The following ROBO2 variants were observed in gnomAD, a reference collection of about 807,000 sequenced individuals.
ROBO2 encodes roundabout homolog 2.
Under a neutral mutation model 160.8 loss-of-function variants are expected in ROBO2, and 53 were observed. The observed-to-expected ratio is 0.33, with a 90% CI of 0.26 to 0.41. ROBO2 has a LOEUF of 0.41. Ranked by LOEUF, ROBO2 falls within the 10% of genes least tolerant of loss-of-function variation. ROBO2 has a pLI of 1.00. For missense variants in ROBO2, 1,577 were observed against 1,722.4 expected, an observed-to-expected ratio of 0.92 and a Z score of 1.49; for synonymous variants, 664 against 611.7, an observed-to-expected ratio of 1.09 and a Z score of -1.26.
intron 2 of ROBO2, among the ~76,000 whole-genome samples, chr3:76,947,614 T>C (rs2078647057): frequency 6.6e-6 from 1 of 152,216 alleles, no homozygotes; most frequent in South Asian, 2.1e-4. Flanking sequence ...ACTGGTTTTT[T>C]CTTAGTTAAC....
chr3:76,523,275 G>A (rs1414546824), intron 2 of ROBO2, among the ~76,000 whole-genome samples: 4 of 151,992 alleles, frequency 2.6e-5, no homozygotes, highest in Non-Finnish European at 5.9e-5. Context: ...GTGGATTTTT[G>A]AGGATGACTA....
At chr3:76,652,432 G>C (rs1244017585) in intron 2 of ROBO2, among the ~76,000 whole-genome samples, 1 of 152,132 alleles carries the variant, frequency 6.6e-6, no homozygotes, top group Non-Finnish European at 1.5e-5. Flanking sequence ...CATTTTATAA[G>C]GGAAAAGCTG....
chr3:76,931,788 T>A (rs2077361952), intron 2 of ROBO2, among the ~76,000 whole-genome samples: 1 of 152,088 alleles, frequency 6.6e-6, no homozygotes, highest in South Asian at 2.1e-4. Flanking sequence ...TTCAAGCGAT[T>A]CTCCTGCCTC....
At chr3:77,528,935 A>G (rs1278108654) in intron 6 of ROBO2, among the ~76,000 whole-genome samples, 1 of 151,732 alleles carries the variant, frequency 6.6e-6, no homozygotes, top group Admixed American at 6.6e-5. Flanking sequence ...TGATAATTTT[A>G]TGTATCTTTT....
chr3:76,155,956 C>T (rs4490371), intron 2 of ROBO2, among the ~76,000 whole-genome samples: 38,992 of 151,892 alleles, frequency 0.26, 6,065 homozygotes, highest in Non-Finnish European at 0.34. Context: ...AGAAACTAGT[C>T]GGTTATATAT....
intron 1 of ROBO2, among the ~76,000 whole-genome samples, chr3:75,925,093 T>TA (rs942921921): frequency 5.3e-5 from 8 of 151,856 alleles, no homozygotes; most frequent in African/African-American, 1.7e-4. Flanking sequence ...GTATGAAGGT[T>TA]AAAAAACGGG....
chr3:76,457,633 C>T (rs956522864), intron 2 of ROBO2, among the ~76,000 whole-genome samples: 7 of 152,270 alleles, frequency 4.6e-5, no homozygotes, highest in South Asian at 2.1e-4. Flanking sequence ...TGTGGGGGCT[C>T]GACCCCACAT....
At position 77,110,668 on chromosome 3, in the gene ROBO2, A is replaced by G. The variant is rs189504801; in HGVS notation, c.388+12328A>G. On this transcript the variant is annotated intron_variant, in intron 2 of 25. Coordinates refer to ENST00000461745, the Ensembl canonical transcript of ROBO2. ...ATATAAATATATAAATGTAAATATA[A>G]GTATATATGTATATACATATATATA... Among the ~76,000 whole-genome samples, 8 of 148,926 alleles carry G rather than the reference A, an allele frequency of 5.4e-5. No individual in the cohort carries two copies. The East Asian group carries it at 1.6e-3, about 29-fold the overall frequency.
Position 76,457,691 on chromosome 3 carries a change from C to T in ROBO2, c.109+520089C>T, listed in dbSNP as rs561331155. Among the ~76,000 whole-genome samples the T allele has an allele frequency of 5.3e-4, 81 of 152,284 alleles. No homozygotes were observed. The South Asian group carries it at 0.014, about 27-fold the overall frequency. ...TGAGGTTCTCCATGAGGGCCCTGCCCGTGCAGAAACCTTTTGCCTGGGCAT... is the reference window on the plus strand; with the variant it reads ...TGAGGTTCTCCATGAGGGCCCTGCCTGTGCAGAAACCTTTTGCCTGGGCAT... On this transcript the variant is annotated intron_variant, in intron 2 of 26. Coordinates refer to the ROBO2 transcript ENST00000487694.
chr3:76,707,751 AT>A (rs1404543404), intron 2 of ROBO2, among the ~76,000 whole-genome samples: 7 of 148,472 alleles, frequency 4.7e-5, no homozygotes, highest in Non-Finnish European at 4.5e-5. Context: ...ATATATATAT[AT>A]ATATATATAA....
intron 5 of ROBO2, among the ~76,000 whole-genome samples, chr3:77,518,836 C>T (rs771545997): frequency 6.6e-6 from 1 of 151,450 alleles, no homozygotes; most frequent in Non-Finnish European, 1.5e-5. Flanking sequence ...ATAGGCTAGA[C>T]CGTTAAAAAT....
At chr3:76,948,429 T>C (rs955839603) in intron 2 of ROBO2, among the ~76,000 whole-genome samples, 5 of 151,934 alleles carry the variant, frequency 3.3e-5, no homozygotes, top group Admixed American at 2.0e-4. Flanking sequence ...TTCCTTCTTT[T>C]ATTTTAACCA....
chr3:76,742,039 C>G (rs1281996682), intron 2 of ROBO2, among the ~76,000 whole-genome samples: 2 of 151,974 alleles, frequency 1.3e-5, no homozygotes, highest in Non-Finnish European at 2.9e-5. Context: ...ATTCTCAGAT[C>G]AGTCAACAGC....
chr3:76,605,925 A>G (rs936178568), intron 2 of ROBO2, among the ~76,000 whole-genome samples: 1 of 152,142 alleles, frequency 6.6e-6, no homozygotes, highest in East Asian at 1.9e-4. Flanking sequence ...TTTTGTGTAA[A>G]TAACATCATT....
At chr3:76,233,030 T>C (rs924547058) in intron 2 of ROBO2, among the ~76,000 whole-genome samples, 1 of 152,180 alleles carries the variant, frequency 6.6e-6, no homozygotes, top group Non-Finnish European at 1.5e-5. Context: ...GAGTCATGGA[T>C]TACTGGTTTC....
chr3:76,360,555 G>A (rs1378373930), intron 2 of ROBO2, among the ~76,000 whole-genome samples: 1 of 152,064 alleles, frequency 6.6e-6, no homozygotes, highest in Non-Finnish European at 1.5e-5. Flanking sequence ...AGTAAGGGAA[G>A]GAGAGGCAAA....
intron 13 of ROBO2, among the ~76,000 whole-genome samples, chr3:77,571,504 A>C (rs77673047): frequency 0.016 from 2,412 of 152,206 alleles, 68 homozygotes; most frequent in African/African-American, 0.056. Context: ...TGAGCAAATT[A>C]AGTAAACTGA....
intron 5 of ROBO2, among the ~76,000 whole-genome samples, chr3:77,513,820 C>G (rs2089693252): frequency 6.6e-6 from 1 of 151,646 alleles, no homozygotes; most frequent in African/African-American, 2.4e-5. Flanking sequence ...TGATAGCACA[C>G]GTTGTCCAGG....
intron 2 of ROBO2, among the ~76,000 whole-genome samples, chr3:77,458,758 C>A (rs1330334799): frequency 6.6e-6 from 1 of 151,956 alleles, no homozygotes; most frequent in Non-Finnish European, 1.5e-5. Flanking sequence ...ATAATGAAGA[C>A]CTTAGTTACA....
Sources: gnomAD v4.1 joint callset for allele counts (sites outside exome capture counted in the v4.1 genomes callset) on GRCh38, gnomAD v4.1.1 for gene constraint, MANE v1.5 for transcripts, NCBI Gene and HGNC (gene_info 2026-07-23, HGNC 2026-07-21) for gene names.